Variants in NCAPD3 observed in about 807,000 individuals in gnomAD.
The protein encoded by NCAPD3 is condensin-2 complex subunit D3.
Under a neutral mutation model 182.9 loss-of-function variants are expected in NCAPD3, and 105 were observed. The ratio of observed to expected loss-of-function variants is 0.57; its 90% CI spans 0.49 to 0.68. The LOEUF (loss-of-function observed/expected upper bound fraction) is 0.68, where lower values mean the gene tolerates loss of function less well. Ranked by LOEUF, NCAPD3 falls within the 30% of genes least tolerant of loss-of-function variation. NCAPD3 has a pLI of 0.00. For missense variants in NCAPD3, 1,944 were observed against 1,837.0 expected, an observed-to-expected ratio of 1.06 and a Z score of -1.07; for synonymous variants, 815 against 679.9, an observed-to-expected ratio of 1.20 and a Z score of -3.09.
At position 134,223,511 on chromosome 11, in the gene NCAPD3, C is replaced by A. The variant is rs1205027290; in HGVS notation, c.64+352G>T. 1.0e-5 allele frequency: 7 copies of A among 701,760 alleles called. No homozygotes were observed. In the South Asian group the frequency reaches 1.0e-4, roughly 10 times the overall value. 43.5% of individuals were successfully genotyped at this position (701,760 alleles called of 1,614,324 possible). A position where few individuals can be genotyped will look rare whatever the true frequency, so the allele number is the denominator to read the frequency against. On this transcript the variant is annotated intron_variant, in intron 1 of 34. Transcript: ENST00000534548. ...TGAACATGAAGTTCAAGAAATAAGTCTGGCGGAAGAAAGAGATTTGCAATT... is the reference window on the plus strand; with the variant it reads ...TGAACATGAAGTTCAAGAAATAAGTATGGCGGAAGAAAGAGATTTGCAATT...
chr11:134,156,780 C>T (rs551313213), intron 32 of NCAPD3: 2 of 375,288 alleles, frequency 5.3e-6, no homozygotes, highest in South Asian at 5.8e-5. Flanking sequence ...GTCTGCTCCG[C>T]GGGCCACTGT....
chr11:134,169,661 G>A (rs1030135934), intron 24 of NCAPD3, among the ~76,000 whole-genome samples: 1 of 152,150 alleles, frequency 6.6e-6, no homozygotes, highest in Non-Finnish European at 1.5e-5. Context: ...CAACATATCT[G>A]TGCAATGCTG....
At chr11:134,153,433 G>A (rs182714245) in intron 32 of NCAPD3, 70 bp from the exon 33 acceptor site, 23 of 1,486,624 alleles carry the variant, frequency 1.5e-5, no homozygotes, top group African/African-American at 5.5e-5. Flanking sequence ...CTAGTTGTCC[G>A]TGGGACGTAG....
intron 13 of NCAPD3, among the ~76,000 whole-genome samples, chr11:134,196,599 T>C (rs1175728166): frequency 1.4e-5 from 2 of 146,356 alleles, no homozygotes; most frequent in East Asian, 4.0e-4. Context: ...GAGCCAAGAC[T>C]GTGCCATTGC....
intron 27 of NCAPD3, among the ~76,000 whole-genome samples, chr11:134,165,770 TACAC>T (rs1423405686): frequency 4.1e-5 from 2 of 49,362 alleles, no homozygotes; most frequent in East Asian, 5.7e-4. Flanking sequence ...TTGGGGGAGG[TACAC>T]ACTCGTGAGA....
intron 4 of NCAPD3, 42 bp downstream of exon 4, chr11:134,210,228 C>A (rs370113886): frequency 1.3e-6 from 2 of 1,519,558 alleles, no homozygotes; most frequent in Admixed American, 1.9e-5. Flanking sequence ...TAAAGCAAAT[C>A]GTGTGTTGGT....
chr11:134,161,907 A>C lies in NCAPD3; in HGVS notation c.3574-16T>G, dbSNP rs753707990. On this transcript the variant is annotated splice_polypyrimidine_tract_variant and intron_variant, in intron 27 of 34. Transcript: ENST00000534548. ...TCTTCTGAACCTGGTAACACAAACA[A>C]AGACATGTTTTAGATGTATGAACTT... 9 of 1,367,158 alleles carry C rather than the reference A, an allele frequency of 6.6e-6. No individual in the cohort carries two copies. Among genetic ancestry groups the C allele is most frequent in the Non-Finnish European group, 9.2e-6 (9 of 979,226 alleles). 84.7% of individuals were successfully genotyped at this position (1,367,158 alleles called of 1,614,324 possible).
chr11:134,204,178 AGC>A lies in NCAPD3; in HGVS notation c.1090-9_1090-8del. 6.2e-7 allele frequency: 1 copy of A among 1,611,930 alleles called. No individual in the cohort carries two copies. On this transcript the variant is annotated splice_polypyrimidine_tract_variant and splice_region_variant and intron_variant, in intron 9 of 34. Transcript: ENST00000534548. This position sits in a 1 kb window ranked among gnomAD's most constrained non-coding sequence, Gnocchi z 4.3. ...ACTCTGATTTATCTACCACCTGAAA[AGC>A]AAAAAGAGAAGTTGACCAACCAATA... is the stretch of plus-strand genomic sequence containing the variant.
intron 20 of NCAPD3, 116 bp downstream of exon 20, chr11:134,180,961 G>T: frequency 1.4e-6 from 1 of 698,386 alleles, no homozygotes; most frequent in Non-Finnish European, 2.5e-6. Flanking sequence ...TAAGCTCTAG[G>T]CTAAGACAGC....
In NCAPD3 at chr11:134,163,912, C is replaced by G. The variant is rs1276692493; in HGVS notation, c.3574-2021G>C. On this transcript the variant is annotated intron_variant, in intron 27 of 34. Coordinates refer to ENST00000534548, the MANE Select transcript of NCAPD3 (RefSeq NM_015261.3). ...AAAAAAGAAAAAGAAAGAAAGACTG[C>G]TCTGGCAGCAAGGTGGTACATGGCC... 4.6e-5 allele frequency among the ~76,000 whole-genome samples: 7 copies of G among 150,798 alleles called. No homozygotes were observed. The East Asian group carries it at 1.4e-3, about 29-fold the overall frequency.
Position 134,160,029 on chromosome 11 carries a change from C to T in NCAPD3, c.3730G>A (p.Val1244Ile). Residue 1244 changes from valine (V) to isoleucine (I), a missense_variant, in exon 29 of 35, where the codon GTT (valine) becomes ATT (isoleucine). Coordinates refer to ENST00000534548, the MANE Select transcript of NCAPD3 (RefSeq NM_015261.3). ...AGCTCTGATGCCAGCTGTTTGTCAA[C>T]TGCAAAGAAGTCCTTGAGCTCATCT... The part of the protein sequence containing the change: ...YRDELKDFFA[V>I]DKQLASELEY... 1.9e-6 allele frequency: 3 copies of T among 1,614,170 alleles called. No individual in the cohort carries two copies. In the South Asian group the frequency reaches 3.3e-5, roughly 18 times the overall value.
intron 1 of NCAPD3, among the ~76,000 whole-genome samples, chr11:134,221,106 G>A (rs1349238432): frequency 2.6e-5 from 4 of 152,092 alleles, no homozygotes; most frequent in Non-Finnish European, 5.9e-5. Flanking sequence ...TCATAACCAA[G>A]TTAATAAGTG....
chr11:134,191,589 G>A (rs181259270), intron 16 of NCAPD3, among the ~76,000 whole-genome samples: 181 of 152,274 alleles, frequency 1.2e-3, no homozygotes, highest in African/African-American at 4.3e-3. Flanking sequence ...TTTTTGCAAA[G>A]AATGACTACT....
intron 11 of NCAPD3, 39 bp downstream of exon 11, chr11:134,203,615 A>C: frequency 6.3e-7 from 1 of 1,597,628 alleles, no homozygotes; most frequent in East Asian, 2.2e-5. Flanking sequence ...CTCAATGAGC[A>C]CAAGACCGGT....
At chr11:134,161,003 G>C (rs1943562720) in intron 28 of NCAPD3, among the ~76,000 whole-genome samples, 1 of 151,822 alleles carries the variant, frequency 6.6e-6, no homozygotes, top group Admixed American at 6.6e-5. Context: ...AGAATATTTG[G>C]AAGTTTTTAT....
intron 2 of NCAPD3, among the ~76,000 whole-genome samples, chr11:134,219,487 C>T (rs1017783046): frequency 6.6e-6 from 1 of 152,152 alleles, no homozygotes. Context: ...GTATCGTAAT[C>T]CCCACTCTGT....
At chr11:134,182,996 A>G in intron 19 of NCAPD3, 1 of 414,894 alleles carries the variant, frequency 2.4e-6, no homozygotes. Flanking sequence ...ACCCGCTTCC[A>G]GCTCTCAGTG....
At chr11:134,194,202 A>G (rs1944581364) in intron 14 of NCAPD3, 52 bp from the exon 15 acceptor site, 2 of 1,566,330 alleles carry the variant, frequency 1.3e-6, no homozygotes, top group African/African-American at 1.4e-5. Context: ...ATCAACTCAC[A>G]AAGATAAACT....
At chr11:134,213,639 AAAAG>A (rs1937920390) in intron 3 of NCAPD3, among the ~76,000 whole-genome samples, 1 of 151,808 alleles carries the variant, frequency 6.6e-6, no homozygotes, top group Non-Finnish European at 1.5e-5. Flanking sequence ...AAAAAAAAAA[AAAAG>A]AAAAAGAAAA....
Sources: allele counts gnomAD v4.1 joint callset (sites outside exome capture counted in the v4.1 genomes callset), GRCh38; gene constraint gnomAD v4.1.1; non-coding constraint Gnocchi (gnomAD v3.1); transcripts MANE v1.5; gene names NCBI Gene and HGNC (gene_info 2026-07-23, HGNC 2026-07-21).